The following DDC variants were observed in gnomAD, a reference collection of about 807,000 sequenced individuals.
The protein encoded by DDC is dopa decarboxylase, also known as aromatic-L-amino-acid decarboxylase.
In DDC, 43 loss-of-function variants were observed where a neutral mutation model predicts 60.0. That is an observed-to-expected ratio of 0.72 (90% CI 0.56 to 0.92). DDC has a LOEUF of 0.92. Among genes scored for constraint, DDC ranks in the 40% least tolerant of loss-of-function variants. The pLI is 0.00. For missense variants in DDC, 573 were observed against 620.2 expected (o/e 0.92, Z 0.81); for synonymous variants, 232 against 234.6 (o/e 0.99, Z 0.10).
intron 9 of DDC, among the ~76,000 whole-genome samples, chr7:50,483,892 AG>A (rs2153536983): frequency 7.2e-6 from 1 of 139,482 alleles, no homozygotes. Context: ...CGACAGAGCA[AG>A]ATTCCATCTC....
At chr7:50,529,105 G>C in intron 5 of DDC, 103 bp downstream of exon 5, 1 of 1,493,332 alleles carries the variant, frequency 6.7e-7, no homozygotes, top group Non-Finnish European at 9.3e-7. Flanking sequence ...CTGAGGAACT[G>C]TTCTTAGATT....
intron 1 of DDC, among the ~76,000 whole-genome samples, chr7:50,555,878 A>G (rs972108185): frequency 3.9e-5 from 6 of 152,186 alleles, no homozygotes; most frequent in African/African-American, 1.4e-4. Flanking sequence ...CACCTGAGAG[A>G]ATGTCCTGGA....
At chr7:50,554,289 A>G (rs2045108190) in intron 1 of DDC, among the ~76,000 whole-genome samples, 1 of 152,178 alleles carries the variant, frequency 6.6e-6, no homozygotes, top group Non-Finnish European at 1.5e-5. Flanking sequence ...AAATGTTTTC[A>G]TTAATAATAG....
Position 50,519,857 on chromosome 7 carries a change from C to T in DDC, c.714+8280G>A, listed in dbSNP as rs117366156. 1.7e-4 allele frequency among the ~76,000 whole-genome samples: 26 copies of T among 152,220 alleles called. No homozygotes were observed. In the East Asian group the frequency reaches 4.8e-3, roughly 28 times the overall value. ...CCACTAAAGGAATTTACTCATGTAA[C>T]CAAATACCACCTGTACCCTAATAAC... On this transcript the variant is annotated intron_variant, in intron 6 of 14. Coordinates refer to ENST00000444124, the MANE Select transcript of DDC (RefSeq NM_001082971.2).
chr7:50,500,351 C>G (rs1455495248), intron 7 of DDC, among the ~76,000 whole-genome samples: 3 of 152,160 alleles, frequency 2.0e-5, no homozygotes, highest in Middle Eastern at 3.2e-3. Flanking sequence ...CACTGGAAGG[C>G]CCCACCTCCA....
intron 9 of DDC, among the ~76,000 whole-genome samples, chr7:50,489,272 G>T (rs1398948969): frequency 6.6e-6 from 1 of 152,132 alleles, no homozygotes; most frequent in Non-Finnish European, 1.5e-5. Flanking sequence ...CTCCCAAAGT[G>T]CTGGGATTAC....
chr7:50,561,082 G>A (rs1371853315), intron 1 of DDC: 1 of 152,338 alleles, frequency 6.6e-6, no homozygotes, highest in African/African-American at 2.4e-5. Context: ...AAGAGGCACA[G>A]AAGATGTGAT....
At chr7:50,494,574 G>C (rs2043082400) in intron 9 of DDC, among the ~76,000 whole-genome samples, 1 of 150,940 alleles carries the variant, frequency 6.6e-6, no homozygotes, top group Admixed American at 6.7e-5. Flanking sequence ...CCGGGCGACA[G>C]AGTGAGACAC....
At chr7:50,463,863 G>A (rs2042338774) in intron 13 of DDC, among the ~76,000 whole-genome samples, 8 of 152,182 alleles carry the variant, frequency 5.3e-5, no homozygotes, top group Admixed American at 5.2e-4. Context: ...GCTAGTGCTA[G>A]AATCTGAGAA....
At chr7:50,549,739 C>A (rs2044926024) in intron 1 of DDC, among the ~76,000 whole-genome samples, 1 of 151,790 alleles carries the variant, frequency 6.6e-6, no homozygotes, top group African/African-American at 2.4e-5. Flanking sequence ...GAAGTTGATT[C>A]CAATCCTCAC....
chr7:50,538,336 ACC>A (rs1318517073), intron 3 of DDC, among the ~76,000 whole-genome samples: 3 of 152,002 alleles, frequency 2.0e-5, no homozygotes, highest in Admixed American at 1.3e-4. Flanking sequence ...GGCAGCTGTC[ACC>A]CTCTGGGCAT....
chr7:50,479,871 T>C lies in DDC; in HGVS notation c.945-8A>G, dbSNP rs766157857. 1 of 1,612,714 alleles carries C rather than the reference T, an allele frequency of 6.2e-7. No homozygotes were observed. The highest frequency in any genetic ancestry group is 8.5e-7 in the Non-Finnish European group (1 of 1,179,150). On this transcript the variant is annotated splice_polypyrimidine_tract_variant and splice_region_variant and intron_variant, in intron 9 of 14. Transcript: ENST00000444124. ...TCTGTTCTCTTTTTCACCCTGGTTT[T>C]AGAGAACAAATGAAAGGGCTGATAA...
chr7:50,498,198 A>G (rs911263276), intron 8 of DDC, among the ~76,000 whole-genome samples: 13 of 152,236 alleles, frequency 8.5e-5, no homozygotes, highest in Non-Finnish European at 1.2e-4. Context: ...GAGGATATCT[A>G]ACTCGCCCAA....
At chr7:50,495,274 T>G in intron 9 of DDC, 76 bp downstream of exon 9, 1 of 1,093,738 alleles carries the variant, frequency 9.1e-7, no homozygotes, top group Non-Finnish European at 1.4e-6. Flanking sequence ...CCCCTTTGGC[T>G]CTGGCATCTT....
chr7:50,517,816 T>A (rs2043772934), intron 6 of DDC, among the ~76,000 whole-genome samples: 1 of 133,102 alleles, frequency 7.5e-6, no homozygotes, highest in Admixed American at 7.9e-5. Flanking sequence ...AGAACACTTT[T>A]ATAATAGCTA....
At chr7:50,498,733 T>C (rs1025890950) in intron 8 of DDC, among the ~76,000 whole-genome samples, 1 of 152,266 alleles carries the variant, frequency 6.6e-6, no homozygotes, top group African/African-American at 2.4e-5. Context: ...TCGTTCAATA[T>C]TGGTTAAAGT....
intron 2 of DDC, among the ~76,000 whole-genome samples, chr7:50,542,067 G>A (rs2044649956): frequency 6.6e-6 from 1 of 152,168 alleles, no homozygotes; most frequent in South Asian, 2.1e-4. Context: ...AGGCTGTGAT[G>A]CCTTCAGCAC....
At chr7:50,545,081 GA>G (rs2044756647) in intron 1 of DDC, among the ~76,000 whole-genome samples, 1 of 152,118 alleles carries the variant, frequency 6.6e-6, no homozygotes, top group South Asian at 2.1e-4. Flanking sequence ...TCACCAAGAA[GA>G]AAAACATAAA....
chr7:50,491,932 TCCCTAAG>T (rs1289003957), intron 9 of DDC, among the ~76,000 whole-genome samples: 1 of 152,228 alleles, frequency 6.6e-6, no homozygotes, highest in African/African-American at 2.4e-5. Context: ...TCCAGGAATG[TCCCTAAG>T]CTTAGCAAAA....
Sources: gnomAD v4.1 joint callset for allele counts (sites outside exome capture counted in the v4.1 genomes callset) on GRCh38, gnomAD v4.1.1 for gene constraint, MANE v1.5 for transcripts, NCBI Gene and HGNC (gene_info 2026-07-23, HGNC 2026-07-21) for gene names.